Variants in RP1 observed in about 807,000 individuals in gnomAD.
RP1 encodes the protein RP1 axonemal microtubule associated.
Under a neutral mutation model 14.8 loss-of-function variants are expected in RP1, and 16 were observed. That is an observed-to-expected ratio of 1.08 (90% CI 0.73 to 1.65). The LOEUF is 1.65. Among genes scored for constraint, RP1 ranks in the 40% most tolerant of loss-of-function variants. The probability of loss-of-function intolerance (pLI) is 0.00; values close to 1 mark genes in which losing one functional copy is unlikely to be tolerated. For synonymous variants in RP1, 876 were observed against 883.6 expected, an observed-to-expected ratio of 0.99 and a Z score of 0.15; for missense variants, 2,631 against 2,535.0, an observed-to-expected ratio of 1.04 and a Z score of -0.81.
intron 22 of RP1, among the ~76,000 whole-genome samples, chr8:54,763,705 G>C (rs1321057657): frequency 6.6e-6 from 1 of 151,962 alleles, no homozygotes; most frequent in Non-Finnish European, 1.5e-5. Context: ...CAAACAAAAC[G>C]AATCTAACTT....
rs1327441505 is a variant in RP1 at position 54,630,193 on chromosome 8, G to A, written c.6311G>A (p.Cys2104Tyr). The A allele has an allele frequency of 2.5e-6, 4 of 1,613,640 alleles. No homozygotes were observed. The highest frequency in any genetic ancestry group is 2.2e-5 in the South Asian group (2 of 91,064). Residue 2104 changes from cysteine (C) to tyrosine (Y), a missense_variant, in exon 4 of 4, where the codon TGC (cysteine) becomes TAC (tyrosine). Physicochemically the swap from Cys to Tyr is radical, Grantham distance 194. Coordinates refer to ENST00000220676, the MANE Select transcript of RP1 (RefSeq NM_006269.2). ...HYFFEMLGQA[C>Y]LLDICQVETS... ...TTCTTTGAAATGCTTGGTCAAGCTT[G>A]CCTCTTAGATATTTGCCAAGTTGAG... is the stretch of plus-strand genomic sequence containing the variant.
chr8:54,606,251 C>G (rs1805438753), intron 1 of RP1, among the ~76,000 whole-genome samples: 1 of 152,292 alleles, frequency 6.6e-6, no homozygotes, highest in South Asian at 2.1e-4. Flanking sequence ...GTGACAAAAT[C>G]TCTCAGCGTT....
rs1347804846 is a variant in RP1, at chr8:54,764,058, G to C, written c.3248+4982G>C. 3.3e-5 allele frequency among the ~76,000 whole-genome samples: 5 copies of C among 152,284 alleles called. No individual in the cohort carries two copies. The East Asian group carries it at 9.6e-4, about 29-fold the overall frequency. On this transcript the variant is annotated intron_variant, in intron 22 of 22. Transcript: ENST00000636932. ...TAGGTGGAATGCCACCTCCACTCCA[G>C]ACTCACGCCCTTTTCACGGTCCTCA...
chr8:54,779,408 A>G (rs913368273), intron 23 of RP1, among the ~76,000 whole-genome samples: 3 of 152,192 alleles, frequency 2.0e-5, no homozygotes, highest in African/African-American at 7.2e-5. Context: ...AATTGCATGT[A>G]AGAGCTTAAT....
chr8:54,669,026 T>C (rs1180241549), intron 7 of RP1, among the ~76,000 whole-genome samples: 1 of 151,932 alleles, frequency 6.6e-6, no homozygotes. Flanking sequence ...AATAGACAAA[T>C]GGGATGTAAT....
At chr8:54,680,513 T>C (rs1807401416) in intron 12 of RP1, among the ~76,000 whole-genome samples, 1 of 152,194 alleles carries the variant, frequency 6.6e-6, no homozygotes, top group Non-Finnish European at 1.5e-5. Flanking sequence ...CTGCAACACC[T>C]ATGAATTTAA....
downstream of RP1, among the ~76,000 whole-genome samples, chr8:54,774,253 G>A (rs937517345): frequency 3.3e-5 from 5 of 152,136 alleles, no homozygotes; most frequent in African/African-American, 7.2e-5. Flanking sequence ...AAGACACACC[G>A]TGGCACCGGG....
In RP1 at chr8:54,627,149, C is replaced by T; in HGVS notation, c.3267C>T (p.His1089=). 8 of 1,614,032 alleles carry T rather than the reference C, an allele frequency of 5.0e-6. No individual in the cohort carries two copies. The highest frequency in any genetic ancestry group is 6.8e-6 in the Non-Finnish European group (8 of 1,179,962). ...ACCTCTTACCAGTCCTGATGCTTCA[C>T]CAATTGCAAGCTTCAGTTCCTGGTA... is the stretch of plus-strand genomic sequence containing the variant. ...PKDLLPVLML[H]QLQASVPGIH... The change falls in exon 4 of 4, where the codon CAC becomes CAT. Residue 1089 remains histidine, a synonymous_variant. Coordinates refer to ENST00000220676, the MANE Select transcript of RP1 (RefSeq NM_006269.2).
chr8:54,840,327 A>G (rs1441444691), intron 25 of RP1, among the ~76,000 whole-genome samples: 1 of 151,846 alleles, frequency 6.6e-6, no homozygotes, highest in Non-Finnish European at 1.5e-5. Flanking sequence ...ATCTCGGCTC[A>G]CTGCAACATC....
At chr8:54,581,969 G>T (rs1804802458) in intron 1 of RP1, among the ~76,000 whole-genome samples, 1 of 152,128 alleles carries the variant, frequency 6.6e-6, no homozygotes, top group Non-Finnish European at 1.5e-5. Context: ...TCACTCTGAT[G>T]GTAGTTTCTT....
At chr8:54,718,810 A>G (rs1306664951) in intron 15 of RP1, among the ~76,000 whole-genome samples, 1 of 152,196 alleles carries the variant, frequency 6.6e-6, no homozygotes, top group Non-Finnish European at 1.5e-5. Context: ...ACAGTAAAAT[A>G]ATCAGTGGTT....
intron 1 of RP1, among the ~76,000 whole-genome samples, chr8:54,585,773 T>C (rs898533870): frequency 1.1e-4 from 17 of 152,242 alleles, no homozygotes; most frequent in African/African-American, 4.1e-4. Flanking sequence ...ATACGCTTTC[T>C]TCCTGTTGAT....
rs1811216365 is a variant in RP1, at chr8:54,819,904, G to A, written c.3616-17546G>A. ...ACAAGAATTTCTCAGCTGGGAATGT[G>A]CAAGAAGTACTTGATATAGTACTGG... On this transcript the variant is annotated intron_variant, in intron 24 of 28. Transcript: ENST00000637698. Among the ~76,000 whole-genome samples the A allele has an allele frequency of 1.3e-5, 2 of 152,244 alleles. 1 individual carries two copies.
chr8:54,852,597 T>C, exon 26 of RP1: 1 of 1,231,990 alleles, frequency 8.1e-7, no homozygotes, highest in Non-Finnish European at 1.0e-6. Context: ...GATTCGCATA[T>C]ACACAGGCAC....
chr8:54,733,135 A>G (rs1357899899), intron 17 of RP1, among the ~76,000 whole-genome samples: 4 of 152,204 alleles, frequency 2.6e-5, no homozygotes, highest in Non-Finnish European at 4.4e-5. Flanking sequence ...CGGAATGCCT[A>G]TCAAGCTTGT....
chr8:54,771,513 T>C (rs959890704), downstream of RP1, among the ~76,000 whole-genome samples: 5 of 152,090 alleles, frequency 3.3e-5, no homozygotes, highest in South Asian at 2.1e-4. Flanking sequence ...TTGTTAGATA[T>C]ACTTCATCAA....
intron 24 of RP1, among the ~76,000 whole-genome samples, chr8:54,808,815 ACT>A (rs1334543540): frequency 1.3e-5 from 2 of 151,924 alleles, no homozygotes; most frequent in Non-Finnish European, 2.9e-5. Context: ...CTCTCTGGAA[ACT>A]CTGACTACTA....
chr8:54,792,161 T>C (rs191357582), intron 24 of RP1, among the ~76,000 whole-genome samples: 4 of 151,980 alleles, frequency 2.6e-5, no homozygotes, highest in Non-Finnish European at 5.9e-5. Context: ...GATAGAACAA[T>C]TATAAATATT....
chr8:54,768,707 G>T (rs919364182), intron 22 of RP1, among the ~76,000 whole-genome samples: 5 of 152,098 alleles, frequency 3.3e-5, no homozygotes, highest in South Asian at 2.1e-4. Context: ...GTTTCAAGAG[G>T]GTAAGATCAC....
Sources: gnomAD v4.1 joint callset for allele counts (sites outside exome capture counted in the v4.1 genomes callset) on GRCh38, gnomAD v4.1.1 for gene constraint, MANE v1.5 for transcripts, NCBI Gene and HGNC (gene_info 2026-07-23, HGNC 2026-07-21) for gene names.